Variants in CEP57 observed in about 807,000 individuals in gnomAD.
CEP57 encodes the protein centrosomal protein 57.
CEP57 carries 40 observed loss-of-function variants against 68.0 expected under a neutral mutation model. The observed-to-expected ratio is 0.59, with a 90% CI of 0.46 to 0.77. The LOEUF (loss-of-function observed/expected upper bound fraction) is 0.77. Ranked by LOEUF, CEP57 falls within the 30% of genes least tolerant of loss-of-function variation. The pLI, the probability that CEP57 is intolerant of heterozygous loss-of-function variation, is 0.00. For synonymous variants in CEP57, 219 were observed against 198.7 expected (o/e 1.10, Z -0.86); for missense variants, 606 against 580.7 (o/e 1.04, Z -0.45).
At chr11:95,803,579 C>G (rs1158562833) in intron 2 of CEP57, among the ~76,000 whole-genome samples, 1 of 119,600 alleles carries the variant, frequency 8.4e-6, no homozygotes, top group Non-Finnish European at 1.6e-5. Context: ...GCCCCTTAAT[C>G]TACAACAACA....
chr11:95,817,153 G>T (rs900595002), intron 4 of CEP57, among the ~76,000 whole-genome samples: 1 of 151,606 alleles, frequency 6.6e-6, no homozygotes, highest in Admixed American at 6.6e-5. Flanking sequence ...GGCTTACGGG[G>T]TCAGGAGAGC....
At chr11:95,812,333 TTTACCACTTTATAA>T (rs1565321476) in intron 2 of CEP57, among the ~76,000 whole-genome samples, 2 of 152,128 alleles carry the variant, frequency 1.3e-5, no homozygotes, top group South Asian at 4.1e-4. Context: ...GGCTAAATTT[TTTACCACTTTATAA>T]AAGTCTTTGA....
chr11:95,793,121 T>G (rs1861174809), intron 1 of CEP57, among the ~76,000 whole-genome samples: 1 of 152,146 alleles, frequency 6.6e-6, no homozygotes, highest in Non-Finnish European at 1.5e-5. Context: ...TAACCGTCTT[T>G]GGGAAGCAGT....
intron 9 of CEP57, among the ~76,000 whole-genome samples, chr11:95,828,506 C>T (rs1000074732): frequency 3.3e-5 from 5 of 152,106 alleles, no homozygotes; most frequent in African/African-American, 1.2e-4. Context: ...AAATATGATA[C>T]TAAAGTCTTA....
chr11:95,828,057 G>T (rs777958057), intron 9 of CEP57, 30 bp downstream of exon 9: 2 of 1,597,056 alleles, frequency 1.3e-6, no homozygotes, highest in South Asian at 2.3e-5. Context: ...TTTAAATTCA[G>T]TTTAGCTCTA....
chr11:95,804,907 C>T (rs1292113297), intron 2 of CEP57, among the ~76,000 whole-genome samples: 1 of 152,042 alleles, frequency 6.6e-6, no homozygotes, highest in Non-Finnish European at 1.5e-5. Context: ...AAATTATCCT[C>T]TGCATTTATT....
intron 2 of CEP57, among the ~76,000 whole-genome samples, chr11:95,800,691 A>G (rs1388489820): frequency 6.6e-6 from 1 of 152,132 alleles, no homozygotes; most frequent in African/African-American, 2.4e-5. Flanking sequence ...CGCCTGGCCA[A>G]GTCTCTTATG....
intron 2 of CEP57, among the ~76,000 whole-genome samples, chr11:95,809,833 C>G (rs988423272): frequency 6.6e-6 from 1 of 152,148 alleles, no homozygotes; most frequent in Non-Finnish European, 1.5e-5. Flanking sequence ...AGAGGTAATC[C>G]TCCCAAACTC....
At position 95,813,463 on chromosome 11, in the gene CEP57, T is replaced by C; in HGVS notation, c.383-5T>C. The C allele has an allele frequency of 6.2e-7, 1 of 1,610,984 alleles. No homozygotes were observed. The highest frequency in any genetic ancestry group is 8.5e-7 in the Non-Finnish European group (1 of 1,179,456). ...ATTTCTGCTTTTCTTATGTATTCTT[T>C]TTAGAACTGACATCTCAGTTGTTAG... On this transcript the variant is annotated splice_region_variant and splice_polypyrimidine_tract_variant and intron_variant, in intron 3 of 10. Transcript: ENST00000325542.
chr11:95,802,267 T>C (rs1004647295), intron 2 of CEP57, among the ~76,000 whole-genome samples: 14 of 151,336 alleles, frequency 9.3e-5, no homozygotes, highest in African/African-American at 3.4e-4. Flanking sequence ...TTTTTTTTTT[T>C]TTTTTTTGAG....
chr11:95,812,528 C>T (rs564602153), intron 2 of CEP57, among the ~76,000 whole-genome samples: 3 of 152,114 alleles, frequency 2.0e-5, no homozygotes, highest in Non-Finnish European at 4.4e-5. Context: ...ACACTCCCCA[C>T]CCCACCCGGG....
In CEP57 at chr11:95,795,384, T is replaced by C. The variant is rs180836089; in HGVS notation, c.46-3848T>C. ...AAAATTACTGACTCTTACATATCTATTTTACTCAGCAATCTTCCAGACTTA... is the reference window on the plus strand; with the variant it reads ...AAAATTACTGACTCTTACATATCTACTTTACTCAGCAATCTTCCAGACTTA... On this transcript the variant is annotated intron_variant, in intron 1 of 10. Coordinates refer to ENST00000325542, the MANE Select transcript of CEP57 (RefSeq NM_014679.5). The C allele has an allele frequency of 3.3e-5, 13 of 389,926 alleles. No individual in the cohort carries two copies. In the East Asian group the frequency reaches 4.7e-4, roughly 14 times the overall value. 24.2% of individuals were successfully genotyped at this position (389,926 alleles called of 1,614,324 possible). A position where few individuals can be genotyped will look rare whatever the true frequency, so the allele number is the denominator to read the frequency against.
rs757273844 is a variant in CEP57 at position 95,817,791 on chromosome 11, C to T, written c.509C>T (p.Ser170Phe). 1 of 1,606,746 alleles carries T rather than the reference C, an allele frequency of 6.2e-7. No homozygotes were observed. The highest frequency in any genetic ancestry group is 8.5e-7 in the Non-Finnish European group (1 of 1,173,456). Residue 170 changes from serine to phenylalanine, a missense_variant, in exon 5 of 11, where the codon TCC (serine) becomes TTC (phenylalanine). Physicochemically the swap from Ser to Phe is radical, Grantham distance 155 (BLOSUM62 -2). Coordinates refer to ENST00000325542, the MANE Select transcript of CEP57 (RefSeq NM_014679.5). ...ERTSVLEKQV[S>F]LERERQHDQT... ...GTATTGAATATTGTTTTTCAGGTTTCCCTAGAAAGAGAACGACAACATGAT... is the reference window on the plus strand; with the variant it reads ...GTATTGAATATTGTTTTTCAGGTTTTCCTAGAAAGAGAACGACAACATGAT...
At chr11:95,796,725 G>A (rs1307302314) in intron 1 of CEP57, among the ~76,000 whole-genome samples, 1 of 152,102 alleles carries the variant, frequency 6.6e-6, no homozygotes, top group Non-Finnish European at 1.5e-5. Flanking sequence ...ACATTAAGGG[G>A]CTCCGTTTCA....
chr11:95,824,385 A>G (rs780369079), intron 8 of CEP57, among the ~76,000 whole-genome samples: 12 of 150,236 alleles, frequency 8.0e-5, no homozygotes, highest in Admixed American at 7.4e-4. Flanking sequence ...CAGGATTGCT[A>G]TAAGAAAGGC....
intron 6 of CEP57, among the ~76,000 whole-genome samples, chr11:95,819,761 C>A (rs145732820): frequency 2.0e-4 from 30 of 152,294 alleles, no homozygotes; most frequent in African/African-American, 7.0e-4. Context: ...GGGCTCACTT[C>A]ATATATGTGA....
At chr11:95,818,231 G>A (rs181183904) in intron 5 of CEP57, among the ~76,000 whole-genome samples, 91 of 152,100 alleles carry the variant, frequency 6.0e-4, no homozygotes, top group Non-Finnish European at 8.5e-4. Flanking sequence ...GACCAACATG[G>A]TGAAACCCCG....
Position 95,829,096 on chromosome 11 carries a change from C to A in CEP57, c.1128-91C>A, listed in dbSNP as rs1862880787. 4.6e-6 allele frequency: 6 copies of A among 1,291,386 alleles called. No homozygotes were observed. The Admixed American group carries it at 5.6e-5, about 12-fold the overall frequency. The allele number at this position is 1,291,386 out of a possible 1,614,324, so 80.0% of individuals were successfully genotyped here. On this transcript the variant is annotated intron_variant, in intron 9 of 10. Transcript: ENST00000325542. ...TCAAAAAATGGAGTCATTTTTTAAA[C>A]ACATGGAGCAGTAACCCATAATGAG...
rs780763546 is a variant in CEP57 at position 95,790,700 on chromosome 11, TGGC to T, written c.10_12del (p.Ala4?). ...GAGACCCCCTGGGCAGGCTGAAAGA[TGGC>T]GGCGGCGTCTGTCTCTGCGGCTTCT... On this transcript the variant is annotated start_lost and inframe_deletion, in exon 1 of 11. Coordinates refer to ENST00000325542, the MANE Select transcript of CEP57 (RefSeq NM_014679.5). 5 of 1,613,876 alleles carry T rather than the reference TGGC, an allele frequency of 3.1e-6. No homozygotes were observed. The South Asian group carries it at 3.3e-5, about 11-fold the overall frequency.
Sources: gnomAD v4.1 joint callset for allele counts (sites outside exome capture counted in the v4.1 genomes callset) on GRCh38, gnomAD v4.1.1 for gene constraint, MANE v1.5 for transcripts, NCBI Gene and HGNC (gene_info 2026-07-23, HGNC 2026-07-21) for gene names.